PTPN2: variants seen among roughly 807,000 people sequenced by gnomAD.
PTPN2 encodes the protein protein tyrosine phosphatase non-receptor type 2, also known as tyrosine-protein phosphatase non-receptor type 2.
PTPN2 carries 19 observed loss-of-function variants against 57.3 expected under a neutral mutation model. The observed-to-expected ratio is 0.33, with a 90% confidence interval of 0.23 to 0.49. The LOEUF is 0.49. Ranked by LOEUF, PTPN2 falls within the 20% of genes least tolerant of loss-of-function variation. PTPN2 has a pLI of 0.99. For synonymous variants in PTPN2, 153 were observed against 164.9 expected, an observed-to-expected ratio of 0.93 and a Z score of 0.55; for missense variants, 358 against 501.1, an observed-to-expected ratio of 0.71 and a Z score of 2.73.
At chr18:12,801,714 C>T (rs182736486) in intron 8 of PTPN2, 27 of 362,398 alleles carry the variant, frequency 7.5e-5, no homozygotes, top group South Asian at 6.9e-4. Flanking sequence ...ACCACAGGCT[C>T]GCATCACCAC....
At chr18:12,848,397 A>G (rs932465195) in intron 2 of PTPN2, among the ~76,000 whole-genome samples, 1 of 152,244 alleles carries the variant, frequency 6.6e-6, no homozygotes, top group African/African-American at 2.4e-5. Context: ...CATCAAACTA[A>G]TAAGAGTATT....
Position 12,825,857 on chromosome 18 carries a change from C to T in PTPN2, c.448G>A (p.Val150Met). 1.2e-6 allele frequency: 2 copies of T among 1,611,540 alleles called. No individual in the cohort carries two copies. The highest frequency in any genetic ancestry group is 1.7e-6 in the Non-Finnish European group (2 of 1,179,048). ...AGATGTACTGTATAATACGACTTCA[C>T]ATCTTCTGACAAGAGCTTCACACTG... ...GFSVKLLSEDVKSYYTVHLLQ... is the reference protein window; with the variant it reads ...GFSVKLLSEDMKSYYTVHLLQ... The change falls in exon 5 of 9, where the codon GTG becomes ATG. Residue 150 changes from valine to methionine, a missense_variant. Val to Met is a conservative substitution (Grantham distance 21). Around this residue, in one of 4 missense-constraint regions of PTPN2, gnomAD observed 193 missense variants for 315.4 expected, o/e 0.61. Transcript: ENST00000309660.
intron 5 of PTPN2, among the ~76,000 whole-genome samples, chr18:12,823,495 G>A (rs746945897): frequency 2.6e-5 from 4 of 151,884 alleles, no homozygotes; most frequent in South Asian, 2.1e-4. Context: ...CCAACACAGC[G>A]AAACCCCATC....
chr18:12,816,080 G>A (rs2042065277), intron 6 of PTPN2, among the ~76,000 whole-genome samples: 1 of 152,160 alleles, frequency 6.6e-6, no homozygotes, highest in Non-Finnish European at 1.5e-5. Context: ...GAGGCAAGAA[G>A]ATCACTTGAG....
intron 1 of PTPN2, among the ~76,000 whole-genome samples, chr18:12,870,249 T>TTG (rs2044141989): frequency 1.5e-5 from 2 of 136,110 alleles, no homozygotes; most frequent in African/African-American, 5.9e-5. Context: ...ATCCAGTACT[T>TTG]AACTTTAGCA....
At chr18:12,874,755 A>T (rs1165857010) in intron 1 of PTPN2, among the ~76,000 whole-genome samples, 1 of 150,644 alleles carries the variant, frequency 6.6e-6, no homozygotes, top group East Asian at 2.0e-4. Context: ...GGCCGCCCCT[A>T]CTGGGAAGTG....
chr18:12,877,801 G>A (rs2145541662), intron 1 of PTPN2, among the ~76,000 whole-genome samples: 1 of 151,766 alleles, frequency 6.6e-6, no homozygotes, highest in African/African-American at 2.4e-5. Context: ...CACAAAGTCA[G>A]GAGATCAAGA....
At position 12,840,851 on chromosome 18, in the gene PTPN2, C is replaced by T. The variant is rs768863710; in HGVS notation, c.161-3960G>A. On this transcript the variant is annotated intron_variant, in intron 2 of 8. Transcript: ENST00000309660. ...CACTCAGGTGTGACTTCCAACTCCTCTCTCACATAAACCCCACTTCTGTGC... is the reference window on the plus strand; with the variant it reads ...CACTCAGGTGTGACTTCCAACTCCTTTCTCACATAAACCCCACTTCTGTGC... 5 of 1,593,472 alleles carry T rather than the reference C, an allele frequency of 3.1e-6. No individual in the cohort carries two copies. The African/African-American group carries it at 5.3e-5, about 17-fold the overall frequency.
chr18:12,803,262 T>C (rs542690855), intron 7 of PTPN2, among the ~76,000 whole-genome samples: 1 of 150,470 alleles, frequency 6.6e-6, no homozygotes, highest in Non-Finnish European at 1.5e-5. Flanking sequence ...GAGAAATAAA[T>C]CAAAGCTTAT....
At chr18:12,846,171 G>GTA (rs1454699570) in intron 2 of PTPN2, among the ~76,000 whole-genome samples, 2 of 152,154 alleles carry the variant, frequency 1.3e-5, no homozygotes, top group Non-Finnish European at 2.9e-5. Flanking sequence ...TTCTGACATG[G>GTA]TATATCTCAT....
chr18:12,829,040 G>C (rs896098285), intron 4 of PTPN2, among the ~76,000 whole-genome samples: 1 of 152,190 alleles, frequency 6.6e-6, no homozygotes, highest in African/African-American at 2.4e-5. Context: ...TGGGACTACA[G>C]GCATGCGCCA....
intron 7 of PTPN2, among the ~76,000 whole-genome samples, chr18:12,808,729 T>C (rs761913989): frequency 6.6e-6 from 1 of 152,148 alleles, no homozygotes; most frequent in African/African-American, 2.4e-5. Flanking sequence ...TGCAGTGAGC[T>C]GAGATCACAC....
At chr18:12,874,396 C>T (rs868790074) in intron 1 of PTPN2, among the ~76,000 whole-genome samples, 2 of 140,638 alleles carry the variant, frequency 1.4e-5, no homozygotes, top group South Asian at 2.4e-4. Flanking sequence ...GAGCCCCTTC[C>T]GGGAGGGAGG....
At chr18:12,805,371 C>T (rs1373023266) in intron 7 of PTPN2, among the ~76,000 whole-genome samples, 7 of 151,522 alleles carry the variant, frequency 4.6e-5, no homozygotes, top group African/African-American at 1.2e-4. Context: ...GCATGAGAAT[C>T]GCTTGAACCC....
intron 1 of PTPN2, among the ~76,000 whole-genome samples, chr18:12,877,486 T>C (rs2044528246): frequency 6.6e-6 from 1 of 152,180 alleles, no homozygotes. Context: ...AATTCAGAGT[T>C]TGTGCAACCA....
At chr18:12,814,068 G>A in intron 7 of PTPN2, 135 bp downstream of exon 7, 1 of 702,300 alleles carries the variant, frequency 1.4e-6, no homozygotes, top group South Asian at 2.1e-5. Flanking sequence ...ACAATTTTAA[G>A]ACAGCCAGCT....
At chr18:12,819,257 A>G in intron 5 of PTPN2, 1 of 1,463,950 alleles carries the variant, frequency 6.8e-7, no homozygotes, top group Non-Finnish European at 9.1e-7. Context: ...TTTCAAATAC[A>G]GTGTGATCCA....
At chr18:12,876,319 T>G (rs189243457) in intron 1 of PTPN2, among the ~76,000 whole-genome samples, 7 of 35,728 alleles carry the variant, frequency 2.0e-4, no homozygotes, top group Admixed American at 1.5e-3. Context: ...AAGAAGAAAT[T>G]TGTCAGGCGT....
chr18:12,821,886 T>A (rs1363583189), intron 5 of PTPN2, among the ~76,000 whole-genome samples: 1 of 152,198 alleles, frequency 6.6e-6, no homozygotes, highest in Non-Finnish European at 1.5e-5. Flanking sequence ...ATCTGTGTTT[T>A]ACAACAATCA....
Sources: gnomAD v4.1 joint callset for allele counts (sites outside exome capture counted in the v4.1 genomes callset) on GRCh38, gnomAD v4.1.1 for gene constraint, gnomAD v4.1.1 regional missense constraint, MANE v1.5 for transcripts, NCBI Gene and HGNC (gene_info 2026-07-23, HGNC 2026-07-21) for gene names.